Variants in CCDC112 observed in about 807,000 individuals in gnomAD.
CCDC112 encodes the protein coiled-coil domain containing 112, also known as coiled-coil domain-containing protein 112.
In CCDC112, 40 loss-of-function variants were observed where a neutral mutation model predicts 66.3. That is an observed-to-expected ratio of 0.60 (90% CI 0.47 to 0.79). The LOEUF is 0.79. CCDC112 is among the 30% of genes least tolerant of loss of function. The pLI, the probability that CCDC112 is intolerant of heterozygous loss-of-function variation, is 0.00. For missense variants in CCDC112, 659 were observed against 603.8 expected, an observed-to-expected ratio of 1.09 and a Z score of -0.96; for synonymous variants, 214 against 197.2, an observed-to-expected ratio of 1.09 and a Z score of -0.71.
At chr5:115,285,067 G>A (rs977440850) in intron 1 of CCDC112, among the ~76,000 whole-genome samples, 159 bp from the exon 2 acceptor site, 4 of 152,220 alleles carry the variant, frequency 2.6e-5, no homozygotes, top group African/African-American at 9.6e-5. Context: ...GGAAGAAGGA[G>A]TATCTATCAA....
intron 2 of CCDC112, among the ~76,000 whole-genome samples, chr5:115,280,132 T>C (rs924239225): frequency 6.6e-6 from 1 of 152,194 alleles, no homozygotes; most frequent in Non-Finnish European, 1.5e-5. Context: ...CAATAGTAGA[T>C]ACTATTAATT....
rs185790295 is a variant in CCDC112, at chr5:115,271,367, C to A, written c.1178G>T (p.Arg393Leu). ...KEKKHQKERQ[R>L]QFKLKLLLES... is the part of the protein sequence containing the mutation. ...TAGTAGTAATTTTAACTTAAACTGG[C>A]GCTGGCGTTCTTTCTGATGTTTTTT... is the stretch of plus-strand genomic sequence containing the variant. Residue 393 changes from arginine (R) to leucine (L), a missense_variant, in exon 7 of 10, where the codon CGC becomes CTC. Arg to Leu is a moderately radical substitution (Grantham distance 102). Transcript: ENST00000379611. The A allele has an allele frequency of 2.5e-6, 4 of 1,611,080 alleles. No individual in the cohort carries two copies. In the African/African-American group the frequency reaches 4.0e-5, roughly 16 times the overall value.
At chr5:115,279,919 C>G in intron 2 of CCDC112, 151 bp from the exon 3 acceptor site, 2 of 535,730 alleles carry the variant, frequency 3.7e-6, no homozygotes, top group East Asian at 3.2e-5. Context: ...GCTAAGGAAT[C>G]AAAACATTAG....
chr5:115,290,375 G>A (rs1283703441), intron 1 of CCDC112, among the ~76,000 whole-genome samples: 1 of 152,068 alleles, frequency 6.6e-6, no homozygotes, highest in Non-Finnish European at 1.5e-5. Flanking sequence ...TGATTACTGT[G>A]GCTTTGAAGT....
intron 1 of CCDC112, among the ~76,000 whole-genome samples, chr5:115,294,020 T>C (rs975068009): frequency 6.6e-6 from 1 of 152,188 alleles, no homozygotes; most frequent in African/African-American, 2.4e-5. Flanking sequence ...AGATTTGCGG[T>C]CTTCAGTTTT....
rs1423828111 is a variant in CCDC112, at chr5:115,296,284, G to A, written c.117+143C>T. 6 of 1,326,546 alleles carry A rather than the reference G, an allele frequency of 4.5e-6. No homozygotes were observed. In the East Asian group the frequency reaches 1.3e-4, roughly 28 times the overall value. 82.2% of individuals were successfully genotyped at this position (1,326,546 alleles called of 1,614,324 possible). A position where few individuals can be genotyped will look rare whatever the true frequency, so the allele number is the denominator to read the frequency against. On this transcript the variant is annotated intron_variant, in intron 1 of 9. Coordinates refer to ENST00000379611, the MANE Select transcript of CCDC112 (RefSeq NM_001040440.3). ...GCTGTTAAACGCACAAGCCAACAAA[G>A]AGCAACGCCCAGCGCGTGCCAGGCC...
intron 1 of CCDC112, among the ~76,000 whole-genome samples, chr5:115,290,501 A>G (rs536477858): frequency 5.7e-4 from 87 of 152,350 alleles, no homozygotes; most frequent in South Asian, 3.1e-3. Context: ...CAGCTTGTAC[A>G]TTTCTGCAAA....
At chr5:115,291,312 C>G (rs915766261) in intron 1 of CCDC112, among the ~76,000 whole-genome samples, 3 of 152,086 alleles carry the variant, frequency 2.0e-5, no homozygotes, top group African/African-American at 7.2e-5. Context: ...TAAACCAACA[C>G]TGCATGTCTG....
chr5:115,284,191 C>T (rs1356672477), intron 2 of CCDC112, among the ~76,000 whole-genome samples: 1 of 151,780 alleles, frequency 6.6e-6, no homozygotes, highest in Non-Finnish European at 1.5e-5. Context: ...TTCAAATAGG[C>T]TTGGTGGTGA....
At chr5:115,277,088 C>G in intron 3 of CCDC112, 34 bp from the exon 4 acceptor site, 1 of 1,273,970 alleles carries the variant, frequency 7.8e-7, no homozygotes, top group East Asian at 2.3e-5. Flanking sequence ...TAAAATAATT[C>G]TGTGACAAAT....
Position 115,267,810 on chromosome 5 carries a change from T to C in CCDC112, c.*66A>G. The C allele has an allele frequency of 8.2e-7, 1 of 1,218,454 alleles. No homozygotes were observed. 75.5% of individuals were successfully genotyped at this position (1,218,454 alleles called of 1,614,324 possible). On this transcript the variant is annotated 3_prime_UTR_variant, in exon 10 of 10. Coordinates refer to ENST00000379611, the MANE Select transcript of CCDC112 (RefSeq NM_001040440.3). ...ATTGATATTTAAAGAATGTGGTTAG[T>C]CACTCTCTCCCTGGTATAACTTAGT...
At position 115,281,467 on chromosome 5, in the gene CCDC112, A is replaced by C. The variant is rs556694835; in HGVS notation, c.240-1699T>G. Among the ~76,000 whole-genome samples the C allele has an allele frequency of 2.0e-5, 3 of 152,306 alleles. No individual in the cohort carries two copies. The South Asian group carries it at 6.2e-4, about 32-fold the overall frequency. On this transcript the variant is annotated intron_variant, in intron 2 of 9. Coordinates refer to ENST00000379611, the MANE Select transcript of CCDC112 (RefSeq NM_001040440.3). Reference sequence around the variant, plus strand: ...GGTAGCTTCTATTGTTTGTGAGAAGAAATAATGGGTAGATAAAGATATCAA... The same window carrying C: ...GGTAGCTTCTATTGTTTGTGAGAAGCAATAATGGGTAGATAAAGATATCAA...
chr5:115,276,073 T>A lies in CCDC112; in HGVS notation c.452-4A>T, dbSNP rs774295521. The A allele has an allele frequency of 6.3e-7, 1 of 1,586,594 alleles. No homozygotes were observed. The highest frequency in any genetic ancestry group is 8.6e-7 in the Non-Finnish European group (1 of 1,167,394). On this transcript the variant is annotated splice_region_variant and splice_polypyrimidine_tract_variant and intron_variant, in intron 4 of 9. Transcript: ENST00000379611. ...ATTTCTCTGAGCTTCTCAACAACTGTAAAAGAAACACGGAAAATTATTTTG... is the reference window on the plus strand; with the variant it reads ...ATTTCTCTGAGCTTCTCAACAACTGAAAAAGAAACACGGAAAATTATTTTG...
At chr5:115,280,791 T>C (rs924009853) in intron 2 of CCDC112, among the ~76,000 whole-genome samples, 1 of 152,030 alleles carries the variant, frequency 6.6e-6, no homozygotes, top group Non-Finnish European at 1.5e-5. Flanking sequence ...TGAGCTCAAG[T>C]GATCTGCCCA....
At chr5:115,279,625 G>C (rs753516378) in intron 3 of CCDC112, 22 bp downstream of exon 3, 1 of 1,608,040 alleles carries the variant, frequency 6.2e-7, no homozygotes, top group African/African-American at 1.3e-5. Context: ...ACAGTTTTTA[G>C]TTCATCACAA....
In CCDC112 at chr5:115,296,486, C is replaced by T; in HGVS notation, c.58G>A (p.Val20Met). 1 of 1,565,562 alleles carries T rather than the reference C, an allele frequency of 6.4e-7. No homozygotes were observed. Among genetic ancestry groups the T allele is most frequent in the Non-Finnish European group, 8.6e-7 (1 of 1,162,354 alleles). ...AAAATAVAGA[V>M]AGAGAATGTG... The stretch of plus-strand genomic sequence containing the variant: ...CCGGTGGCCGCGCCCGCCCCTGCCA[C>T]AGCCCCGGCTACCGCGGTGGCCGCA... The change falls in exon 1 of 10, where the codon GTG becomes ATG. Residue 20 changes from valine to methionine, a missense_variant. Val to Met is a conservative substitution (Grantham distance 21). Transcript: ENST00000379611.
chr5:115,272,380 G>T (rs1270580192), intron 6 of CCDC112, among the ~76,000 whole-genome samples: 1 of 152,178 alleles, frequency 6.6e-6, no homozygotes, highest in Non-Finnish European at 1.5e-5. Context: ...AAGAACATGA[G>T]CACTGAAGTC....
chr5:115,284,717 G>T (rs1313331810), intron 2 of CCDC112, 70 bp downstream of exon 2: 3 of 1,264,472 alleles, frequency 2.4e-6, no homozygotes, highest in Admixed American at 1.8e-5. Context: ...GGGTAGAGTA[G>T]AATTAATTTT....
chr5:115,284,955 C>A, intron 1 of CCDC112, 47 bp from the exon 2 acceptor site: 1 of 1,544,630 alleles, frequency 6.5e-7, no homozygotes. Flanking sequence ...AATAGTAAGA[C>A]ATAAATGTGG....
Sources: allele counts gnomAD v4.1 joint callset (sites outside exome capture counted in the v4.1 genomes callset), GRCh38; gene constraint gnomAD v4.1.1; transcripts MANE v1.5; gene names NCBI Gene and HGNC (gene_info 2026-07-23, HGNC 2026-07-21).